The following PDZD2 variants were observed in gnomAD, a reference collection of about 807,000 sequenced individuals.
The protein encoded by PDZD2 is PDZ domain containing 2, also known as PDZ domain-containing protein 2.
Under a neutral mutation model 220.7 loss-of-function variants are expected in PDZD2, and 90 were observed. That is an observed-to-expected ratio of 0.41 (90% CI 0.34 to 0.49). The LOEUF (loss-of-function observed/expected upper bound fraction) is 0.49, where lower values mean the gene tolerates loss of function less well. PDZD2 is among the 20% of genes least tolerant of loss of function. The pLI is 0.28. For synonymous variants in PDZD2, 1,375 were observed against 1,450.5 expected (o/e 0.95, Z 1.18); for missense variants, 3,174 against 3,608.5 (o/e 0.88, Z 3.08).
chr5:31,943,575 C>G (rs1045937083), intron 2 of PDZD2, among the ~76,000 whole-genome samples: 2 of 152,132 alleles, frequency 1.3e-5, no homozygotes, highest in East Asian at 1.9e-4. Flanking sequence ...TATTTAGAAC[C>G]CAACCTAGAG....
At chr5:31,896,254 G>C (rs539120318) in intron 2 of PDZD2, among the ~76,000 whole-genome samples, 1 of 151,972 alleles carries the variant, frequency 6.6e-6, no homozygotes, top group East Asian at 1.9e-4. Flanking sequence ...TTTCTTGGGG[G>C]TAACTGCTGG....
chr5:32,053,333 A>T (rs1738767989), intron 9 of PDZD2, among the ~76,000 whole-genome samples: 2 of 152,270 alleles, frequency 1.3e-5, no homozygotes, highest in Admixed American at 1.3e-4. Flanking sequence ...ACTTGACATT[A>T]CACAAAAATC....
intron 5 of PDZD2, among the ~76,000 whole-genome samples, chr5:32,007,386 A>T (rs991648640): frequency 1.5e-4 from 18 of 122,668 alleles, no homozygotes; most frequent in South Asian, 7.2e-4. Context: ...GTTGGGATTT[A>T]AAAAAAAAAA....
chr5:31,914,021 G>T (rs1002429015), intron 2 of PDZD2, among the ~76,000 whole-genome samples: 2 of 152,168 alleles, frequency 1.3e-5, no homozygotes, highest in Non-Finnish European at 2.9e-5. Context: ...AGGAATGTCA[G>T]TGTCTGTAAC....
At chr5:31,998,380 TGTCTCCTGTTAAAGCCCAAATTCATA>T (rs1158691752) in intron 4 of PDZD2, among the ~76,000 whole-genome samples, 1 of 152,234 alleles carries the variant, frequency 6.6e-6, no homozygotes, top group Non-Finnish European at 1.5e-5. Context: ...TGGTGTCTCC[TGTCTCCTGTTAAAGCCCAAATTCATA>T]GAAAAGACAA....
At chr5:31,978,253 A>G (rs965723665) in intron 2 of PDZD2, among the ~76,000 whole-genome samples, 40 of 152,298 alleles carry the variant, frequency 2.6e-4, no homozygotes, top group African/African-American at 9.6e-4. Context: ...TCTTTCTCAA[A>G]TACTGACTTC....
At chr5:31,912,411 G>T (rs776215160) in intron 2 of PDZD2, among the ~76,000 whole-genome samples, 102 of 152,206 alleles carry the variant, frequency 6.7e-4, no homozygotes, top group Non-Finnish European at 1.1e-3. Flanking sequence ...GGCTGAGATG[G>T]GCCTCCCAAA....
intron 1 of PDZD2, among the ~76,000 whole-genome samples, chr5:31,784,635 G>A (rs1390672294): frequency 5.3e-5 from 8 of 152,208 alleles, no homozygotes; most frequent in Admixed American, 2.6e-4. Flanking sequence ...GAGGCTAGGC[G>A]TGGTGGCTCA....
rs1740565505 is a variant in PDZD2, at chr5:32,069,634, T to C, written c.2517T>C (p.Asn839=). 1.3e-6 allele frequency: 2 copies of C among 1,544,568 alleles called. No homozygotes were observed. The highest frequency in any genetic ancestry group is 1.8e-6 in the Non-Finnish European group (2 of 1,116,358). The change falls in exon 15 of 25, where the codon AAT becomes AAC. Residue 839 remains asparagine (N), a synonymous_variant. Transcript: ENST00000438447. ...CTTATCAGGAGAGCAAAGAGGCCAA[T>C]TCCTCTCCTGGCTTAGGTACTGTAA... ...RSTYQESKEA[N]SSPGLGTPLK...
intron 24 of PDZD2, 58 bp from the exon 25 acceptor site, chr5:32,107,911 G>T: frequency 8.2e-7 from 1 of 1,217,904 alleles, no homozygotes. Flanking sequence ...GTTTACTTAG[G>T]ATTTTTGAAT....
Position 32,090,132 on chromosome 5 carries a change from G to A in PDZD2, c.6684G>A (p.Gln2228=). 1 of 1,613,948 alleles carries A rather than the reference G, an allele frequency of 6.2e-7. No homozygotes were observed. Among genetic ancestry groups the A allele is most frequent in the Non-Finnish European group, 8.5e-7 (1 of 1,180,004 alleles). ...CCAGGACCTACTCCATGCCAGCCCA[G>A]TTCTCAAGCCATTTTGGACGGGAGG... ...PATRTYSMPA[Q]FSSHFGREGH... The change falls in exon 20 of 25, where the codon CAG becomes CAA. Residue 2228 remains glutamine, a synonymous_variant. Transcript: ENST00000438447. The surrounding 1 kb of genome is among the most constrained non-coding windows in gnomAD (Gnocchi z 4.3).
chr5:31,660,327 A>G (rs1293475114), intron 1 of PDZD2, among the ~76,000 whole-genome samples: 1 of 152,192 alleles, frequency 6.6e-6, no homozygotes, highest in African/African-American at 2.4e-5. Context: ...ATAACAAGTA[A>G]TTCTTTTAAA....
At chr5:31,857,015 G>C (rs189213076) in intron 2 of PDZD2, among the ~76,000 whole-genome samples, 128 of 151,786 alleles carry the variant, frequency 8.4e-4, no homozygotes, top group African/African-American at 3.0e-3. Flanking sequence ...CCAACTTCCA[G>C]TTCTTTGTCT....
intron 1 of PDZD2, among the ~76,000 whole-genome samples, chr5:31,672,676 G>A (rs1746258863): frequency 6.6e-6 from 1 of 152,200 alleles, no homozygotes; most frequent in African/African-American, 2.4e-5. Flanking sequence ...TTTCTAAAGA[G>A]GAAAATAGGA....
At chr5:32,067,722 T>C (rs1477282311) in intron 14 of PDZD2, among the ~76,000 whole-genome samples, 2 of 152,196 alleles carry the variant, frequency 1.3e-5, no homozygotes, top group Admixed American at 6.5e-5. Context: ...CTTACTATTT[T>C]AATCAATATA....
intron 2 of PDZD2, among the ~76,000 whole-genome samples, chr5:31,893,987 C>T (rs749223989): frequency 4.6e-5 from 7 of 151,358 alleles, no homozygotes; most frequent in African/African-American, 9.7e-5. Context: ...CTCCACCTCC[C>T]GGGTTCAAGT....
chr5:31,703,579 A>G (rs546016147), intron 1 of PDZD2, among the ~76,000 whole-genome samples: 8 of 152,318 alleles, frequency 5.3e-5, no homozygotes, highest in African/African-American at 1.7e-4. Flanking sequence ...CCCATGGCAC[A>G]TGCATGCCGA....
At chr5:31,701,486 C>T (rs139231427) in intron 1 of PDZD2, among the ~76,000 whole-genome samples, 2,172 of 152,314 alleles carry the variant, frequency 0.014, 59 homozygotes, top group African/African-American at 0.049. Context: ...AGCCACTGCG[C>T]CTGGCTGAGA....
intron 2 of PDZD2, among the ~76,000 whole-genome samples, chr5:31,910,958 C>T (rs1031818799): frequency 6.6e-6 from 1 of 151,940 alleles, no homozygotes; most frequent in Admixed American, 6.6e-5. Context: ...TATTTTAAAC[C>T]AGTTCTGTTT....
Sources: gnomAD v4.1 joint callset for allele counts (sites outside exome capture counted in the v4.1 genomes callset) on GRCh38, gnomAD v4.1.1 for gene constraint, Gnocchi (gnomAD v3.1) non-coding constraint, MANE v1.5 for transcripts, NCBI Gene and HGNC (gene_info 2026-07-23, HGNC 2026-07-21) for gene names.